SLC35F3: variants seen among roughly 807,000 people sequenced by gnomAD.
SLC35F3 encodes the protein solute carrier family 35 member F3, also known as putative thiamine transporter SLC35F3.
In SLC35F3, 25 loss-of-function variants were observed where a neutral mutation model predicts 49.9. The observed-to-expected ratio is 0.50, with a 90% CI of 0.37 to 0.70. The LOEUF (loss-of-function observed/expected upper bound fraction) is 0.70. SLC35F3 is among the 30% of genes least tolerant of loss of function. The pLI, the probability that SLC35F3 is intolerant of heterozygous loss-of-function variation, is 0.00. For missense variants in SLC35F3, 525 were observed against 639.8 expected (o/e 0.82, Z 1.94); for synonymous variants, 275 against 265.4 (o/e 1.04, Z -0.35).
At position 234,124,009 on chromosome 1, in the gene SLC35F3, C is replaced by T. The variant is rs867729646; in HGVS notation, c.284-107408C>T. Among the ~76,000 whole-genome samples, 8 of 152,320 alleles carry T rather than the reference C, an allele frequency of 5.3e-5. No homozygotes were observed. In the Middle Eastern group the frequency reaches 0.01, roughly 194 times the overall value. ...GTGAGGTTGATATCTCAGACACACT[C>T]TCTGAAGGCAGCCATCTGTGAGTTT... On this transcript the variant is annotated intron_variant, in intron 2 of 7. Transcript: ENST00000366618.
chr1:234,264,650 C>T (rs984116645), intron 3 of SLC35F3, among the ~76,000 whole-genome samples: 17 of 152,276 alleles, frequency 1.1e-4, no homozygotes, highest in Admixed American at 3.9e-4. Context: ...AACTCTGGGG[C>T]GGAAATGATC....
chr1:234,024,292 G>A (rs962036767), intron 2 of SLC35F3, among the ~76,000 whole-genome samples: 6 of 152,012 alleles, frequency 3.9e-5, no homozygotes, highest in Non-Finnish European at 2.9e-5. Flanking sequence ...AGAGTGAAGT[G>A]AGAAGTGGTG....
chr1:234,226,918 G>A (rs976238286), intron 2 of SLC35F3, among the ~76,000 whole-genome samples: 3 of 151,608 alleles, frequency 2.0e-5, no homozygotes, highest in Middle Eastern at 3.4e-3. Flanking sequence ...TATATAAAGT[G>A]CACAAAAGAA....
chr1:234,208,947 T>C (rs1262778808), intron 2 of SLC35F3, among the ~76,000 whole-genome samples: 1 of 152,178 alleles, frequency 6.6e-6, no homozygotes, highest in Non-Finnish European at 1.5e-5. Flanking sequence ...ATCCTTGGCT[T>C]TGATGAGCAA....
At chr1:234,279,633 G>A (rs1245908650) in intron 3 of SLC35F3, among the ~76,000 whole-genome samples, 24 of 152,156 alleles carry the variant, frequency 1.6e-4, no homozygotes, top group Admixed American at 6.5e-5. Flanking sequence ...AAATCGTGCA[G>A]GGCTAGGAGC....
intron 2 of SLC35F3, among the ~76,000 whole-genome samples, chr1:233,920,846 GC>G (rs2102787399): frequency 6.9e-6 from 1 of 144,330 alleles, no homozygotes; most frequent in Non-Finnish European, 1.5e-5. Context: ...CCAAGAGCCA[GC>G]AAAAATCTGA....
intron 2 of SLC35F3, among the ~76,000 whole-genome samples, chr1:234,206,941 C>G (rs1472229837): frequency 6.6e-6 from 1 of 152,096 alleles, no homozygotes; most frequent in African/African-American, 2.4e-5. Flanking sequence ...ACGTCTTCCT[C>G]CGACTCAAGC....
chr1:234,220,309 T>C (rs901980283), intron 2 of SLC35F3, among the ~76,000 whole-genome samples: 46 of 152,146 alleles, frequency 3.0e-4, no homozygotes, highest in African/African-American at 7.7e-4. Flanking sequence ...TGTGTGTGTG[T>C]GCTCATGTGT....
chr1:234,077,294 G>A (rs978781801), intron 2 of SLC35F3, among the ~76,000 whole-genome samples: 1 of 152,168 alleles, frequency 6.6e-6, no homozygotes, highest in African/African-American at 2.4e-5. Context: ...GTGAGCCACC[G>A]CGCCCGGCCA....
At chr1:233,913,592 G>A (rs1661920214) in intron 2 of SLC35F3, among the ~76,000 whole-genome samples, 1 of 152,140 alleles carries the variant, frequency 6.6e-6, no homozygotes, top group African/African-American at 2.4e-5. Context: ...AGAGTATCTC[G>A]ATCAATAAAC....
chr1:233,982,507 T>G (rs1398649342), intron 2 of SLC35F3, among the ~76,000 whole-genome samples: 7 of 152,166 alleles, frequency 4.6e-5, no homozygotes, highest in African/African-American at 1.7e-4. Flanking sequence ...CCTGGGTAGC[T>G]GGGTTTACAG....
rs186853901 is a variant in SLC35F3 at position 234,217,728 on chromosome 1, C to T, written c.284-13689C>T. ...TAAGGAGAAGGCCTTGCCGGGGAAG[C>T]CTCCTCAGAAAGATCTCTGAGGAGG... On this transcript the variant is annotated intron_variant, in intron 2 of 7. Coordinates refer to ENST00000366618, the MANE Select transcript of SLC35F3 (RefSeq NM_173508.4). Among the ~76,000 whole-genome samples the T allele has an allele frequency of 1.5e-4, 23 of 151,998 alleles. No individual in the cohort carries two copies. In the East Asian group the frequency reaches 1.7e-3, roughly 12 times the overall value.
chr1:234,070,072 C>G (rs1270807047), intron 2 of SLC35F3, among the ~76,000 whole-genome samples: 1 of 152,192 alleles, frequency 6.6e-6, no homozygotes, highest in East Asian at 1.9e-4. Context: ...CTGGAAAGAA[C>G]GTGCAGAGCC....
chr1:234,116,112 A>G (rs1665482634), intron 2 of SLC35F3, among the ~76,000 whole-genome samples: 2 of 152,214 alleles, frequency 1.3e-5, no homozygotes, highest in South Asian at 4.1e-4. Context: ...TCAATTATGT[A>G]TTTGTCTCAT....
intron 3 of SLC35F3, among the ~76,000 whole-genome samples, chr1:234,246,564 C>T (rs1207058109): frequency 6.6e-6 from 1 of 152,210 alleles, no homozygotes; most frequent in Non-Finnish European, 1.5e-5. Flanking sequence ...CATGAATCTT[C>T]TGGATTCCTT....
intron 2 of SLC35F3, among the ~76,000 whole-genome samples, chr1:234,116,465 C>T (rs1402234858): frequency 1.3e-5 from 2 of 151,622 alleles, no homozygotes; most frequent in Admixed American, 6.6e-5. Context: ...CCAAATTTAG[C>T]AGTAGAGCCA....
At chr1:233,909,892 A>G (rs1038873870) in intron 2 of SLC35F3, among the ~76,000 whole-genome samples, 1 of 152,194 alleles carries the variant, frequency 6.6e-6, no homozygotes, top group African/African-American at 2.4e-5. Context: ...CAGTAATGCT[A>G]AACAAGCAGG....
chr1:234,005,710 G>A lies in SLC35F3; in HGVS notation c.283+99952G>A, dbSNP rs573775763. Among the ~76,000 whole-genome samples the A allele has an allele frequency of 3.7e-4, 57 of 152,254 alleles. No homozygotes were observed. The South Asian group carries it at 6.2e-3, about 17-fold the overall frequency. The stretch of plus-strand genomic sequence containing the variant: ...CACAAAATTAGGGGCAGGAAGAGGC[G>A]CCCTAACCTGATTCTTGAAGTGAGA... On this transcript the variant is annotated intron_variant, in intron 2 of 7. Transcript: ENST00000366618.
At chr1:233,907,264 T>G (rs939261535) in intron 2 of SLC35F3, among the ~76,000 whole-genome samples, 2 of 152,238 alleles carry the variant, frequency 1.3e-5, no homozygotes, top group African/African-American at 4.8e-5. Flanking sequence ...CATAAAAAGG[T>G]TTTATCTTTA....
Sources: gnomAD v4.1 joint callset for allele counts (sites outside exome capture counted in the v4.1 genomes callset) on GRCh38, gnomAD v4.1.1 for gene constraint, MANE v1.5 for transcripts, NCBI Gene and HGNC (gene_info 2026-07-23, HGNC 2026-07-21) for gene names.